TAF6L: variants seen among roughly 807,000 people sequenced by gnomAD.
The protein encoded by TAF6L is TATA-box binding protein associated factor 6 like.
A neutral mutation model predicts 57.3 loss-of-function variants in TAF6L; 34 were observed. That is an observed-to-expected ratio of 0.59 (90% confidence interval 0.45 to 0.79). TAF6L has a LOEUF of 0.79. TAF6L is among the 30% of genes least tolerant of loss of function. The pLI is 0.00. For synonymous variants in TAF6L, 417 were observed against 376.3 expected (o/e 1.11, Z -1.25); for missense variants, 782 against 853.2 (o/e 0.92, Z 1.04).
chr11:62,777,825 G>C (rs1008286175), intron 3 of TAF6L, among the ~76,000 whole-genome samples, 153 bp from the exon 4 acceptor site: 2 of 152,178 alleles, frequency 1.3e-5, no homozygotes, highest in African/African-American at 4.8e-5. Flanking sequence ...CCCAGTGGTG[G>C]CTCTGAGTCC....
chr11:62,778,123 T>C lies in TAF6L; in HGVS notation c.380T>C (p.Val127Ala). 6.2e-7 allele frequency: 1 copy of C among 1,614,110 alleles called. No homozygotes were observed. Residue 127 changes from valine (V) to alanine (A), a missense_variant, in exon 4 of 11, where the codon GTC becomes GCC. Around this residue, in one of 3 missense-constraint regions of TAF6L, gnomAD observed 220 missense variants for 252.1 expected, o/e 0.87. Coordinates refer to ENST00000294168, the MANE Select transcript of TAF6L (RefSeq NM_006473.4). ...NIPKGCAETA[V>A]RVHVSYLDGK... The stretch of plus-strand genomic sequence containing the variant: ...CCCAAAGGCTGTGCTGAGACAGCTG[T>C]CAGAGGTGGCTGCCGGGGTCCTGCA...
Position 62,781,883 on chromosome 11 carries a change from C to T in TAF6L, c.532-11C>T, listed in dbSNP as rs1474774383. The T allele has an allele frequency of 6.2e-7, 1 of 1,613,868 alleles. No homozygotes were observed. Among genetic ancestry groups the T allele is most frequent in the East Asian group, 2.2e-5 (1 of 44,904 alleles). The stretch of plus-strand genomic sequence containing the variant: ...TGGTGGATCCAATGCAGTCTGGGCC[C>T]TTCCTTTTAGGTTGCACTCCAGGAC... On this transcript the variant is annotated splice_polypyrimidine_tract_variant and intron_variant, in intron 6 of 10. Transcript: ENST00000294168.
At chr11:62,781,571 G>A (rs1032600470) in intron 6 of TAF6L, among the ~76,000 whole-genome samples, 2 of 151,396 alleles carry the variant, frequency 1.3e-5, no homozygotes, top group Admixed American at 6.6e-5. Flanking sequence ...CTACTCGGGA[G>A]GCTGAGGCAG....
chr11:62,773,041 C>T (rs1450625427), intron 1 of TAF6L, among the ~76,000 whole-genome samples: 5 of 151,800 alleles, frequency 3.3e-5, no homozygotes. Flanking sequence ...CAGGGTTTCA[C>T]CGTGTTAGCC....
In TAF6L at chr11:62,786,296, T is replaced by C; in HGVS notation, c.997T>C (p.Tyr333His). The C allele has an allele frequency of 1.2e-6, 2 of 1,614,170 alleles. No individual in the cohort carries two copies. Among genetic ancestry groups the C allele is most frequent in the Non-Finnish European group, 8.5e-7 (1 of 1,179,990 alleles). Residue 333 changes from tyrosine (Y) to histidine (H), a missense_variant, in exon 10 of 11, where the codon TAC (tyrosine) becomes CAC (histidine). Coordinates refer to ENST00000294168, the MANE Select transcript of TAF6L (RefSeq NM_006473.4). ...ERVLYPHLSTYWTNLQAVLDD... is the reference protein window; with the variant it reads ...ERVLYPHLSTHWTNLQAVLDD... ...AGTCCTGTACCCACACCTGTCCACC[T>C]ACTGGACAAACTTGCAGGCTGTGCT...
intron 6 of TAF6L, among the ~76,000 whole-genome samples, chr11:62,779,281 G>A (rs1330622565): frequency 6.6e-6 from 1 of 151,926 alleles, no homozygotes; most frequent in Admixed American, 6.6e-5. Flanking sequence ...TGCAAGCTCC[G>A]TCTCCTGGGT....
rs1294367864 is a variant in TAF6L, at chr11:62,779,976, A to ATATTTTTTT, written c.531+1014_531+1015insATTTTTTTT. On this transcript the variant is annotated intron_variant, in intron 6 of 10. Coordinates refer to ENST00000294168, the MANE Select transcript of TAF6L (RefSeq NM_006473.4). ...CCTATATATATATATATATATATAT[A>ATATTTTTTT]TTTTTTTTTTTTTTTTTTTTAGAGA... Among the ~76,000 whole-genome samples, 5 of 52,632 alleles carry ATATTTTTTT rather than the reference A, an allele frequency of 9.5e-5. 1 individual carries two copies. Among genetic ancestry groups the ATATTTTTTT allele is most frequent in the African/African-American group, 3.9e-4 (5 of 12,944 alleles). The allele number at this position is 52,632 out of a possible 152,430, so 34.5% of individuals were successfully genotyped here.
At chr11:62,780,930 C>T (rs1490019802) in intron 6 of TAF6L, among the ~76,000 whole-genome samples, 5 of 136,652 alleles carry the variant, frequency 3.7e-5, no homozygotes, top group Non-Finnish European at 7.8e-5. Context: ...GAGTGAGACT[C>T]CATCTCAAAA....
intron 1 of TAF6L, among the ~76,000 whole-genome samples, chr11:62,772,849 G>T (rs1455313928): frequency 1.4e-5 from 2 of 145,988 alleles, no homozygotes; most frequent in African/African-American, 2.7e-5. Flanking sequence ...TCTTTTAGAA[G>T]ATCTTTTTTT....
intron 9 of TAF6L, among the ~76,000 whole-genome samples, chr11:62,783,463 C>T (rs893657822): frequency 1.8e-4 from 27 of 146,068 alleles, no homozygotes; most frequent in Non-Finnish European, 3.6e-4. Context: ...GCCTGGGCGA[C>T]AGAGCGAGAC....
In TAF6L at chr11:62,775,926, C is replaced by T. The variant is rs144825291; in HGVS notation, c.143C>T (p.Thr48Met). 30,420 of 1,607,160 alleles carry T rather than the reference C, an allele frequency of 0.019. 405 individuals carry two copies. The highest frequency in any genetic ancestry group is 0.024 in the Non-Finnish European group (28,155 of 1,176,208). Residue 48 changes from threonine to methionine, a missense_variant, in exon 2 of 11, where the codon ACG (threonine) becomes ATG (methionine). Thr to Met is a moderately conservative substitution (Grantham distance 81). Coordinates refer to ENST00000294168, the MANE Select transcript of TAF6L (RefSeq NM_006473.4). Reference protein sequence around the residue: ...EDVCYRLREATQNSSQFMKHT... With the variant: ...EDVCYRLREAMQNSSQFMKHT... ...GTGTGCTATCGTCTGAGAGAGGCCA[C>T]GCAGGTACACTCCCCTCACCCCCTG...
rs750905049 is a variant in TAF6L, at chr11:62,778,307, C to G, written c.408C>G (p.Gly136=). The G allele has an allele frequency of 6.2e-7, 1 of 1,614,146 alleles. No individual in the cohort carries two copies. Among genetic ancestry groups the G allele is most frequent in the Non-Finnish European group, 8.5e-7 (1 of 1,180,034 alleles). Residue 136 remains glycine, a synonymous_variant, in exon 5 of 11, where the codon GGC becomes GGG. Coordinates refer to ENST00000294168, the MANE Select transcript of TAF6L (RefSeq NM_006473.4). ...TAGTTCATGTCTCCTACCTGGATGG[C>G]AAAGGGAACCTGGCACCTCAAGGAT... ...AVRVHVSYLD[G]KGNLAPQGSV... is the part of the protein sequence containing the mutation.
At position 62,787,131 on chromosome 11, in the gene TAF6L, G is replaced by A. The variant is rs780749106; in HGVS notation, c.1704G>A (p.Gln568=). ...TTCGTTTCATCATAGCCGGGCGGCA[G>A]GCTGGGAGGCGCTGCCGCGGGCGCC... ...PHFRFIIAGR[Q]AGRRCRGRLF... The change falls in exon 11 of 11, where the codon CAG becomes CAA. Residue 568 remains glutamine, a synonymous_variant. Transcript: ENST00000294168. 1 of 1,562,604 alleles carries A rather than the reference G, an allele frequency of 6.4e-7. No homozygotes were observed. Among genetic ancestry groups the A allele is most frequent in the East Asian group, 2.4e-5 (1 of 41,924 alleles).
intron 2 of TAF6L, 35 bp downstream of exon 2, chr11:62,775,965 T>A: frequency 6.4e-6 from 10 of 1,570,732 alleles, no homozygotes; most frequent in Non-Finnish European, 8.6e-6. Flanking sequence ...CCTCCAACTT[T>A]CCTTGTTTCT....
At position 62,778,129 on chromosome 11, in the gene TAF6L, G is replaced by A. The variant is rs2084200775; in HGVS notation, c.385+1G>A. On this transcript the variant is annotated splice_donor_variant, in intron 4 of 10. Transcript: ENST00000294168. LOFTEE classifies it high-confidence loss of function. ...GGCTGTGCTGAGACAGCTGTCAGAGGTGGCTGCCGGGGTCCTGCATGGGTT... is the reference window on the plus strand; with the variant it reads ...GGCTGTGCTGAGACAGCTGTCAGAGATGGCTGCCGGGGTCCTGCATGGGTT... The A allele has an allele frequency of 1.2e-6, 2 of 1,614,204 alleles. No homozygotes were observed. The highest frequency in any genetic ancestry group is 1.7e-6 in the Non-Finnish European group (2 of 1,180,034).
Position 62,775,822 on chromosome 11 carries a change from T to C in TAF6L, c.39T>C (p.Pro13=), listed in dbSNP as rs1463468590. ...AAGAGCGGCGGTTTGTGGAGATCCCTCGGGAGTCTGTCCGGCTCATGGCGG... is the reference window on the plus strand; with the variant it reads ...AAGAGCGGCGGTTTGTGGAGATCCCCCGGGAGTCTGTCCGGCTCATGGCGG... ...EREERRFVEI[P]RESVRLMAES... is the part of the protein sequence containing the mutation. Residue 13 remains proline, a synonymous_variant, in exon 2 of 11, where the codon CCT becomes CCC. Transcript: ENST00000294168. 2 of 1,612,568 alleles carry C rather than the reference T, an allele frequency of 1.2e-6. 1 individual carries two copies. Among genetic ancestry groups the C allele is most frequent in the South Asian group, 2.2e-5 (2 of 91,056 alleles).
At chr11:62,777,352 A>G (rs926686046) in intron 3 of TAF6L, among the ~76,000 whole-genome samples, 1 of 152,084 alleles carries the variant, frequency 6.6e-6, no homozygotes, top group South Asian at 2.1e-4. Flanking sequence ...AAAAAAGACT[A>G]AACGCACACA....
Position 62,787,238 on chromosome 11 carries a change from C to A in TAF6L, c.1811C>A (p.Thr604Asn). 3.2e-6 allele frequency: 5 copies of A among 1,567,272 alleles called. No individual in the cohort carries two copies. Among genetic ancestry groups the A allele is most frequent in the Non-Finnish European group, 3.4e-6 (4 of 1,164,620 alleles). Reference sequence around the variant, plus strand: ...CAGAAACTGCCCATGATCGGCCGTACCAGCCGCCCCGCCCGCCGGTGGGCG... The same window carrying A: ...CAGAAACTGCCCATGATCGGCCGTAACAGCCGCCCCGCCCGCCGGTGGGCG... ...YVQKLPMIGR[T>N]SRPARRWALS... Residue 604 changes from threonine to asparagine, a missense_variant, in exon 11 of 11, where the codon ACC becomes AAC. This residue lies in a region of TAF6L where 483 missense variants were observed against 445.1 expected (regional missense o/e 1.09). Transcript: ENST00000294168.
intron 5 of TAF6L, 37 bp downstream of exon 5, chr11:62,778,372 AT>A: frequency 6.2e-7 from 1 of 1,612,960 alleles, no homozygotes. Flanking sequence ...CTTTGGATGA[AT>A]TTTCTCCCTT....
Sources: allele counts gnomAD v4.1 joint callset (sites outside exome capture counted in the v4.1 genomes callset), GRCh38; gene constraint gnomAD v4.1.1; regional missense constraint gnomAD v4.1.1; transcripts MANE v1.5; gene names NCBI Gene and HGNC (gene_info 2026-07-23, HGNC 2026-07-21).